The following KATNIP variants were observed in gnomAD, a reference collection of about 807,000 sequenced individuals.
KATNIP encodes the protein katanin-interacting protein.
In KATNIP, 126 loss-of-function variants were observed where a neutral mutation model predicts 174.0. The ratio of observed to expected loss-of-function variants is 0.72; its 90% CI spans 0.63 to 0.84. KATNIP has a LOEUF of 0.84. KATNIP is among the 40% of genes least tolerant of loss of function. The pLI is 0.00. For missense variants in KATNIP, 1,958 were observed against 2,109.7 expected (o/e 0.93, Z 1.41); for synonymous variants, 810 against 835.7 (o/e 0.97, Z 0.53).
chr16:27,611,512 G>T (rs2075890494), intron 2 of KATNIP, among the ~76,000 whole-genome samples: 1 of 152,228 alleles, frequency 6.6e-6, no homozygotes, highest in South Asian at 2.1e-4. Context: ...GGACAGCGGT[G>T]AAGCCAGGAC....
Position 27,573,960 on chromosome 16 carries a change from A to C in KATNIP, c.63+4A>C. On this transcript the variant is annotated splice_donor_region_variant and intron_variant, in intron 2 of 27. Transcript: ENST00000261588. ...CTGCTCACGAGAGAAAAAGGAGGTA[A>C]ATGTGTCCCTGGCGAGGGCTGATGG... 6.2e-7 allele frequency: 1 copy of C among 1,613,878 alleles called. No homozygotes were observed. The highest frequency in any genetic ancestry group is 8.5e-7 in the Non-Finnish European group (1 of 1,179,812).
chr16:27,735,884 T>C (rs904520579), intron 14 of KATNIP, among the ~76,000 whole-genome samples: 1 of 152,224 alleles, frequency 6.6e-6, no homozygotes, highest in Non-Finnish European at 1.5e-5. Flanking sequence ...ATAAACGATC[T>C]GGAGGTGAAA....
At chr16:27,619,987 G>T (rs1248531661) in intron 3 of KATNIP, among the ~76,000 whole-genome samples, 1 of 152,202 alleles carries the variant, frequency 6.6e-6, no homozygotes, top group Non-Finnish European at 1.5e-5. Context: ...GAACACCTGG[G>T]TGATTGTTTA....
At chr16:27,752,372 T>C (rs1410497800) in intron 17 of KATNIP, among the ~76,000 whole-genome samples, 1 of 152,222 alleles carries the variant, frequency 6.6e-6, no homozygotes, top group African/African-American at 2.4e-5. Context: ...GGGTACACAG[T>C]GTTCTTGTTT....
Position 27,640,711 on chromosome 16 carries a change from T to C in KATNIP, c.409-7893T>C, listed in dbSNP as rs140455784. Among the ~76,000 whole-genome samples, 28 of 151,882 alleles carry C rather than the reference T, an allele frequency of 1.8e-4. No individual in the cohort carries two copies. In the East Asian group the frequency reaches 2.9e-3, roughly 16 times the overall value. On this transcript the variant is annotated intron_variant, in intron 5 of 27. Coordinates refer to ENST00000261588, the MANE Select transcript of KATNIP (RefSeq NM_015202.5). ...TTTTTTTTTTGTATCTTCCTGTGTT[T>C]TCAGAACCTTGTATGCAGTCGGCGC...
At chr16:27,672,210 C>T (rs995432672) in intron 6 of KATNIP, among the ~76,000 whole-genome samples, 1 of 152,188 alleles carries the variant, frequency 6.6e-6, no homozygotes, top group Non-Finnish European at 1.5e-5. Context: ...CTGCCTCCCT[C>T]TAGGGAACAC....
chr16:27,750,011 T>C lies in KATNIP; in HGVS notation c.3051T>C (p.Asp1017=). ...CAAACATAAAAGCAGACCCTCCCGA[T>C]ATCAATATTTTACCAGCCTATGGGA... ...QISNIKADPP[D]INILPAYGKD... Residue 1017 remains aspartate (D), a synonymous_variant, in exon 16 of 28, where the codon GAT becomes GAC. Coordinates refer to ENST00000261588, the MANE Select transcript of KATNIP (RefSeq NM_015202.5). 6.2e-7 allele frequency: 1 copy of C among 1,614,126 alleles called. No homozygotes were observed. Among genetic ancestry groups the C allele is most frequent in the Non-Finnish European group, 8.5e-7 (1 of 1,180,010 alleles).
intron 2 of KATNIP, among the ~76,000 whole-genome samples, chr16:27,604,889 A>G (rs1359185077): frequency 1.3e-5 from 2 of 152,218 alleles, no homozygotes; most frequent in East Asian, 3.8e-4. Context: ...TGGCATTAAT[A>G]TAAACCTTCC....
At chr16:27,686,841 T>C (rs2078542839) in intron 8 of KATNIP, among the ~76,000 whole-genome samples, 1 of 152,206 alleles carries the variant, frequency 6.6e-6, no homozygotes, top group Non-Finnish European at 1.5e-5. Flanking sequence ...CCACTTCTCA[T>C]TTATTGGAAG....
At chr16:27,706,508 A>G (rs927354074) in intron 12 of KATNIP, among the ~76,000 whole-genome samples, 6 of 152,180 alleles carry the variant, frequency 3.9e-5, no homozygotes, top group African/African-American at 9.7e-5. Context: ...AGCGGGGACA[A>G]TGAATGACAG....
chr16:27,775,211 C>A, intron 24 of KATNIP, 127 bp downstream of exon 24: 1 of 1,192,406 alleles, frequency 8.4e-7, no homozygotes, highest in Non-Finnish European at 1.2e-6. Flanking sequence ...TGCTTGGGAG[C>A]TGTCAGAAAG....
chr16:27,725,163 G>A (rs190927762), intron 14 of KATNIP, among the ~76,000 whole-genome samples: 6 of 152,286 alleles, frequency 3.9e-5, no homozygotes, highest in African/African-American at 7.2e-5. Context: ...TATCAGGCAC[G>A]TATAGGCACC....
chr16:27,656,755 C>A (rs1240770081), intron 6 of KATNIP, among the ~76,000 whole-genome samples: 3 of 130,726 alleles, frequency 2.3e-5, no homozygotes, highest in African/African-American at 8.8e-5. Flanking sequence ...CACATGGACA[C>A]AGGAAGGGGA....
At chr16:27,621,240 G>C (rs1343535998) in intron 3 of KATNIP, among the ~76,000 whole-genome samples, 3 of 151,878 alleles carry the variant, frequency 2.0e-5, no homozygotes, top group African/African-American at 7.3e-5. Context: ...CTATGATTAT[G>C]CCACTGCACT....
intron 2 of KATNIP, among the ~76,000 whole-genome samples, chr16:27,601,735 C>T (rs1567480411): frequency 6.6e-6 from 1 of 152,046 alleles, no homozygotes. Flanking sequence ...GGCCCTTGCC[C>T]GATGCCCAAC....
chr16:27,722,737 A>G (rs2080291717), intron 14 of KATNIP, among the ~76,000 whole-genome samples: 1 of 152,204 alleles, frequency 6.6e-6, no homozygotes, highest in Non-Finnish European at 1.5e-5. Context: ...CCTCAGGGAA[A>G]AGGAAGGCCA....
chr16:27,640,320 C>A (rs989368604), intron 5 of KATNIP, among the ~76,000 whole-genome samples: 6 of 152,344 alleles, frequency 3.9e-5, no homozygotes, highest in South Asian at 2.1e-4. Flanking sequence ...AAGCGGGGAG[C>A]TAGCCAGGTG....
intron 22 of KATNIP, among the ~76,000 whole-genome samples, chr16:27,772,400 G>A (rs2082337869): frequency 6.6e-6 from 1 of 152,242 alleles, no homozygotes; most frequent in African/African-American, 2.4e-5. Context: ...TGGCTCTAAG[G>A]CCCGCTCTCT....
intron 3 of KATNIP, among the ~76,000 whole-genome samples, chr16:27,619,219 C>T (rs1290004359): frequency 6.6e-6 from 1 of 152,168 alleles, no homozygotes; most frequent in East Asian, 1.9e-4. Context: ...GATACCTGAG[C>T]TCCTGTCTCC....
Sources: allele counts gnomAD v4.1 joint callset (sites outside exome capture counted in the v4.1 genomes callset), GRCh38; gene constraint gnomAD v4.1.1; transcripts MANE v1.5; gene names NCBI Gene and HGNC (gene_info 2026-07-23, HGNC 2026-07-21).